ADAM12: variants seen among roughly 807,000 people sequenced by gnomAD.
The protein encoded by ADAM12 is disintegrin and metalloproteinase domain-containing protein 12.
A neutral mutation model predicts 106.4 loss-of-function variants in ADAM12; 70 were observed. The ratio of observed to expected loss-of-function variants is 0.66; its 90% CI spans 0.54 to 0.80. The LOEUF (loss-of-function observed/expected upper bound fraction) is 0.80, where lower values mean the gene tolerates loss of function less well. Among genes scored for constraint, ADAM12 ranks in the 30% least tolerant of loss-of-function variants. ADAM12 has a pLI of 0.00. For missense variants in ADAM12, 1,010 were observed against 1,171.9 expected (o/e 0.86, Z 2.02); for synonymous variants, 420 against 433.5 (o/e 0.97, Z 0.39).
chr10:126,020,492 C>T (rs1953743356), intron 21 of ADAM12, among the ~76,000 whole-genome samples: 1 of 152,096 alleles, frequency 6.6e-6, no homozygotes, highest in African/African-American at 2.4e-5. Context: ...GGGGTTATTC[C>T]ACGCTAGGTT....
At chr10:126,167,006 G>A (rs997005854) in intron 3 of ADAM12, among the ~76,000 whole-genome samples, 17 of 152,114 alleles carry the variant, frequency 1.1e-4, no homozygotes, top group Admixed American at 1.0e-3. Context: ...TTCTTCAAAC[G>A]TTTCTACCAA....
rs139217216 is a variant in ADAM12, at chr10:126,180,818, G to A, written c.261-25513C>T. ...ATTTTGTTGATTTTCACTTCCCACC[G>A]TGGCACTGTGCTTCTGGAGAGAGGG... On this transcript the variant is annotated intron_variant, in intron 3 of 22. Coordinates refer to ENST00000448723, the MANE Select transcript of ADAM12 (RefSeq NM_001288973.2). Among the ~76,000 whole-genome samples the A allele has an allele frequency of 5.5e-4, 83 of 152,226 alleles. 1 individual carries two copies. The East Asian group carries it at 0.013, about 23-fold the overall frequency.
At chr10:126,295,104 C>T (rs141047341) in intron 2 of ADAM12, among the ~76,000 whole-genome samples, 1 of 152,036 alleles carries the variant, frequency 6.6e-6, no homozygotes, top group Non-Finnish European at 1.5e-5. Context: ...TCAGTTAAAC[C>T]CATCAGAGCT....
chr10:126,360,012 A>G (rs1300951997), intron 1 of ADAM12, among the ~76,000 whole-genome samples: 2 of 152,220 alleles, frequency 1.3e-5, no homozygotes, highest in Admixed American at 1.3e-4. Context: ...ACCACATGGA[A>G]GATGCCAAGG....
At chr10:126,346,861 T>C (rs1855160504) in intron 1 of ADAM12, among the ~76,000 whole-genome samples, 1 of 152,192 alleles carries the variant, frequency 6.6e-6, no homozygotes, top group African/African-American at 2.4e-5. Flanking sequence ...CTTTCTTTGT[T>C]TTCCATTTGC....
At chr10:126,163,541 G>T (rs1956973227) in intron 3 of ADAM12, among the ~76,000 whole-genome samples, 1 of 152,100 alleles carries the variant, frequency 6.6e-6, no homozygotes, top group Non-Finnish European at 1.5e-5. Flanking sequence ...CCTCCAAATT[G>T]CTTTCAGATC....
chr10:126,105,399 G>A (rs895183199), intron 8 of ADAM12, among the ~76,000 whole-genome samples: 7 of 152,156 alleles, frequency 4.6e-5, no homozygotes, highest in African/African-American at 1.7e-4. Flanking sequence ...AAGAACTCGT[G>A]TTTTCTTCTC....
At chr10:126,354,796 C>G (rs1418330740) in intron 1 of ADAM12, among the ~76,000 whole-genome samples, 1 of 128,852 alleles carries the variant, frequency 7.8e-6, no homozygotes, top group East Asian at 2.2e-4. Flanking sequence ...TGAGTAACCA[C>G]TGCTAAAGTT....
chr10:126,158,396 G>A (rs537064539), intron 3 of ADAM12, among the ~76,000 whole-genome samples: 122 of 107,694 alleles, frequency 1.1e-3, no homozygotes, highest in Non-Finnish European at 2.0e-3. Flanking sequence ...CATGGGGAGA[G>A]GATGCACAGA....
At chr10:126,324,321 T>C (rs1029008794) in intron 2 of ADAM12, among the ~76,000 whole-genome samples, 1 of 152,158 alleles carries the variant, frequency 6.6e-6, no homozygotes, top group East Asian at 1.9e-4. Flanking sequence ...TCAGGGGACA[T>C]GGGGACAGAA....
chr10:126,093,974 A>G lies in ADAM12; in HGVS notation c.1145+11T>C, dbSNP rs771542804. 10 of 1,613,868 alleles carry G rather than the reference A, an allele frequency of 6.2e-6. No homozygotes were observed. Among genetic ancestry groups the G allele is most frequent in the Non-Finnish European group, 8.5e-6 (10 of 1,179,932 alleles). ...CACACTGTCAAAGCAGATGGAAGCA[A>G]TGGTACTTGCCCGGTGGAAGCGTTC... On this transcript the variant is annotated intron_variant, in intron 11 of 22. Coordinates refer to ENST00000448723, the MANE Select transcript of ADAM12 (RefSeq NM_001288973.2).
chr10:126,291,166 T>C (rs1293188133), intron 2 of ADAM12, among the ~76,000 whole-genome samples: 2 of 152,214 alleles, frequency 1.3e-5, no homozygotes, highest in Non-Finnish European at 2.9e-5. Flanking sequence ...CATTTTTTTT[T>C]CCTACAACAC....
chr10:126,223,969 C>A (rs1740855994), intron 3 of ADAM12, among the ~76,000 whole-genome samples: 1 of 152,190 alleles, frequency 6.6e-6, no homozygotes, highest in Admixed American at 6.5e-5. Context: ...GGATGACTGA[C>A]CAGGATAGTA....
intron 14 of ADAM12, among the ~76,000 whole-genome samples, chr10:126,055,101 C>T (rs1954600675): frequency 6.6e-6 from 1 of 152,204 alleles, no homozygotes; most frequent in Non-Finnish European, 1.5e-5. Flanking sequence ...AGTTTTTGCA[C>T]ATCCTTTGCA....
intron 9 of ADAM12, among the ~76,000 whole-genome samples, chr10:126,100,645 C>T (rs11819267): frequency 0.096 from 14,640 of 151,790 alleles, 1,785 homozygotes; most frequent in African/African-American, 0.28. Flanking sequence ...AACCAGGGAG[C>T]TGGAGGTTGC....
intron 1 of ADAM12, among the ~76,000 whole-genome samples, chr10:126,336,039 A>G (rs999947555): frequency 3.9e-5 from 6 of 152,346 alleles, no homozygotes; most frequent in Admixed American, 2.6e-4. Flanking sequence ...AACTAAATGT[A>G]ATGTATCCTG....
At chr10:126,100,202 G>T (rs1955635290) in intron 9 of ADAM12, among the ~76,000 whole-genome samples, 1 of 152,078 alleles carries the variant, frequency 6.6e-6, no homozygotes, top group Non-Finnish European at 1.5e-5. Context: ...CCTAACGGGT[G>T]ATGCATATTG....
chr10:126,220,808 A>G (rs1212342085), intron 3 of ADAM12, among the ~76,000 whole-genome samples: 1 of 152,224 alleles, frequency 6.6e-6, no homozygotes, highest in South Asian at 2.1e-4. Context: ...CTCCTCCCAG[A>G]CACAAATCTG....
intron 3 of ADAM12, among the ~76,000 whole-genome samples, chr10:126,264,400 C>A (rs761765356): frequency 4.5e-4 from 69 of 152,302 alleles, no homozygotes; most frequent in South Asian, 1.4e-3. Flanking sequence ...CCCAGATAAC[C>A]CTCCTGTGGG....
Sources: gnomAD v4.1 joint callset for allele counts (sites outside exome capture counted in the v4.1 genomes callset) on GRCh38, gnomAD v4.1.1 for gene constraint, MANE v1.5 for transcripts, NCBI Gene and HGNC (gene_info 2026-07-23, HGNC 2026-07-21) for gene names.